PLPPR1: variants seen among roughly 807,000 people sequenced by gnomAD.
The protein encoded by PLPPR1 is phospholipid phosphatase related 1, also known as phospholipid phosphatase-related protein type 1.
A neutral mutation model predicts 33.1 loss-of-function variants in PLPPR1; 10 were observed. The ratio of observed to expected loss-of-function variants is 0.30; its 90% confidence interval spans 0.19 to 0.51. The LOEUF (loss-of-function observed/expected upper bound fraction) is 0.51. Among genes scored for constraint, PLPPR1 ranks in the 20% least tolerant of loss-of-function variants. PLPPR1 has a pLI of 0.97. For missense variants in PLPPR1, 304 were observed against 408.1 expected (o/e 0.74, Z 2.20); for synonymous variants, 151 against 151.0 (o/e 1.00, Z 0.00).
chr9:101,293,395 G>T (rs879372926), intron 4 of PLPPR1, among the ~76,000 whole-genome samples: 1 of 150,982 alleles, frequency 6.6e-6, no homozygotes, highest in Non-Finnish European at 1.5e-5. Flanking sequence ...ACAGATCAAC[G>T]AGACAGAAAG....
chr9:101,321,807 G>GTA (rs1033223256), intron 7 of PLPPR1, among the ~76,000 whole-genome samples: 5 of 147,426 alleles, frequency 3.4e-5, no homozygotes, highest in South Asian at 2.1e-4. Flanking sequence ...ACATATATAA[G>GTA]TATATATATA....
chr9:101,042,911 G>T (rs1234291319), intron 1 of PLPPR1, among the ~76,000 whole-genome samples: 1 of 152,102 alleles, frequency 6.6e-6, no homozygotes, highest in Non-Finnish European at 1.5e-5. Context: ...CTCCAGAGCT[G>T]CTTTCCCTTT....
At chr9:101,163,893 C>T (rs1334860653) in intron 1 of PLPPR1, among the ~76,000 whole-genome samples, 1 of 152,118 alleles carries the variant, frequency 6.6e-6, no homozygotes, top group African/African-American at 2.4e-5. Context: ...GCTTCAATGA[C>T]ATAGGAAAGA....
chr9:101,244,209 G>A (rs1027990384), intron 2 of PLPPR1, among the ~76,000 whole-genome samples: 2 of 151,904 alleles, frequency 1.3e-5, no homozygotes, highest in Non-Finnish European at 2.9e-5. Flanking sequence ...GGAAGTCAAT[G>A]AAGTTAACCC....
At chr9:101,238,337 C>CTA (rs926108296) in intron 2 of PLPPR1, among the ~76,000 whole-genome samples, 1 of 102,940 alleles carries the variant, frequency 9.7e-6, no homozygotes, top group Non-Finnish European at 1.9e-5. Flanking sequence ...ATATACCTCT[C>CTA]TATATATAGA....
chr9:101,241,259 G>C (rs145893927), intron 2 of PLPPR1, among the ~76,000 whole-genome samples: 1 of 152,056 alleles, frequency 6.6e-6, no homozygotes, highest in East Asian at 2.0e-4. Context: ...TGAGCCTAAG[G>C]GAGTTGTTCT....
intron 2 of PLPPR1, among the ~76,000 whole-genome samples, chr9:101,197,284 A>G (rs984143244): frequency 3.3e-5 from 5 of 152,276 alleles, no homozygotes; most frequent in Admixed American, 6.5e-5. Context: ...ATATTGACCC[A>G]CTAGTATTAT....
Position 101,102,093 on chromosome 9 carries a change from C to CTTTT in PLPPR1, c.-46+73009_-46+73012dup, listed in dbSNP as rs397937393. Reference sequence around the variant, plus strand: ...GTAAACTCCTTGAAGGTAGGAACAACTTTTTTTTTTTTTTTTTTTTTGTGG... The same window carrying CTTTT: ...GTAAACTCCTTGAAGGTAGGAACAACTTTTTTTTTTTTTTTTTTTTTTTTTGTGG... On this transcript the variant is annotated intron_variant, in intron 1 of 7. Coordinates refer to ENST00000374874, the MANE Select transcript of PLPPR1 (RefSeq NM_207299.2). Among the ~76,000 whole-genome samples the CTTTT allele has an allele frequency of 2.0e-3, 147 of 71,852 alleles. 2 individuals carry two copies. The highest frequency in any genetic ancestry group is 7.1e-3 in the African/African-American group (124 of 17,570). The allele number at this position is 71,852 out of a possible 152,430, so 47.1% of individuals were successfully genotyped here.
intron 1 of PLPPR1, among the ~76,000 whole-genome samples, chr9:101,118,200 G>A (rs1446360988): frequency 1.3e-5 from 2 of 152,206 alleles, no homozygotes; most frequent in Non-Finnish European, 2.9e-5. Flanking sequence ...GGGCAATAAT[G>A]TTTCAGGATC....
At chr9:101,240,517 TTCTAA>T (rs149184977) in intron 2 of PLPPR1, among the ~76,000 whole-genome samples, 7,263 of 148,382 alleles carry the variant, frequency 0.049, 555 homozygotes, top group African/African-American at 0.17. Flanking sequence ...ATATCAATTC[TTCTAA>T]TCTATTAGGA....
chr9:101,054,410 A>T (rs1417356317), intron 1 of PLPPR1, among the ~76,000 whole-genome samples: 1 of 152,152 alleles, frequency 6.6e-6, no homozygotes, highest in Non-Finnish European at 1.5e-5. Context: ...TTTGGACACG[A>T]CCTTTGACCT....
intron 2 of PLPPR1, among the ~76,000 whole-genome samples, chr9:101,195,071 C>A (rs1003672800): frequency 6.6e-6 from 1 of 152,172 alleles, no homozygotes; most frequent in Non-Finnish European, 1.5e-5. Context: ...TTGCTCATCA[C>A]AATCACTCAG....
chr9:101,213,977 G>A (rs754636119), intron 2 of PLPPR1, among the ~76,000 whole-genome samples: 11 of 152,164 alleles, frequency 7.2e-5, no homozygotes, highest in Non-Finnish European at 1.3e-4. Context: ...ACATGGGTCA[G>A]TTTACAGAGA....
intron 1 of PLPPR1, among the ~76,000 whole-genome samples, chr9:101,044,212 A>C (rs1304030699): frequency 1.3e-5 from 2 of 152,224 alleles, no homozygotes; most frequent in East Asian, 3.9e-4. Flanking sequence ...AAATAGGCTA[A>C]GGAAATGAAT....
intron 1 of PLPPR1, among the ~76,000 whole-genome samples, chr9:101,114,615 C>T (rs942190850): frequency 2.6e-5 from 4 of 152,164 alleles, no homozygotes; most frequent in Non-Finnish European, 5.9e-5. Context: ...TGATGTGACT[C>T]GCACAGGCCA....
rs763545864 is a variant in PLPPR1, at chr9:101,270,027, C to G, written c.211C>G (p.Leu71Val). ...GTEEESFITP[L>V]VLYCVLAATP... ...AGAGGAAGAAAGCTTCATCACCCCT[C>G]TGGTGCTCTATTGTGTGCTGGCTGC... is the stretch of plus-strand genomic sequence containing the variant. The change falls in exon 3 of 8, where the codon CTG becomes GTG. Residue 71 changes from leucine (L) to valine (V), a missense_variant. By Grantham distance (32) the Leu-to-Val change is conservative. Coordinates refer to ENST00000374874, the MANE Select transcript of PLPPR1 (RefSeq NM_207299.2). 6.2e-7 allele frequency: 1 copy of G among 1,614,122 alleles called. No homozygotes were observed. The highest frequency in any genetic ancestry group is 1.1e-5 in the South Asian group (1 of 91,092).
At chr9:101,104,728 A>G (rs1248555872) in intron 1 of PLPPR1, among the ~76,000 whole-genome samples, 1 of 103,650 alleles carries the variant, frequency 9.6e-6, no homozygotes, top group Non-Finnish European at 1.9e-5. Context: ...GAATGGTACC[A>G]GCTCCTCCTT....
At chr9:101,197,920 T>C (rs978011060) in intron 2 of PLPPR1, among the ~76,000 whole-genome samples, 37 of 152,286 alleles carry the variant, frequency 2.4e-4, no homozygotes, top group African/African-American at 8.7e-4. Context: ...GAGTTGCTCT[T>C]TCTAATACCC....
chr9:101,053,494 C>G (rs997825621), intron 1 of PLPPR1, among the ~76,000 whole-genome samples: 2 of 152,124 alleles, frequency 1.3e-5, no homozygotes, highest in African/African-American at 4.8e-5. Flanking sequence ...ACAAAAATCC[C>G]TTGAATTTTA....
Sources: gnomAD v4.1 joint callset for allele counts (sites outside exome capture counted in the v4.1 genomes callset) on GRCh38, gnomAD v4.1.1 for gene constraint, MANE v1.5 for transcripts, NCBI Gene and HGNC (gene_info 2026-07-23, HGNC 2026-07-21) for gene names.